Variants in KCNK13 observed in about 807,000 individuals in gnomAD.
KCNK13 encodes the protein potassium two pore domain channel subfamily K member 13, also known as potassium channel subfamily K member 13.
In KCNK13, 12 loss-of-function variants were observed where a neutral mutation model predicts 23.4. The ratio of observed to expected loss-of-function variants is 0.51; its 90% CI spans 0.33 to 0.83. The LOEUF is 0.83. KCNK13 is among the 40% of genes least tolerant of loss of function. The pLI is 0.02. For synonymous variants in KCNK13, 231 were observed against 229.5 expected (o/e 1.01, Z -0.06); for missense variants, 463 against 556.3 (o/e 0.83, Z 1.69).
chr14:90,062,210 C>A lies in KCNK13; in HGVS notation c.5C>A (p.Ala2Asp). 2 of 1,155,476 alleles carry A rather than the reference C, an allele frequency of 1.7e-6. No homozygotes were observed. Among genetic ancestry groups the A allele is most frequent in the South Asian group, 3.1e-5 (2 of 64,618 alleles). 71.6% of individuals were successfully genotyped at this position (1,155,476 alleles called of 1,614,324 possible). The change falls in exon 1 of 2, where the codon GCT becomes GAT. Residue 2 changes from alanine (A) to aspartate (D), a missense_variant. Coordinates refer to ENST00000282146, the MANE Select transcript of KCNK13 (RefSeq NM_022054.4). The surrounding 1 kb of genome is among the most constrained non-coding windows in gnomAD (Gnocchi z 4.5). M[A>D]GRGFSWGPGH... ...GCTGCCCCCGGGGGCCCGGCCATGGCTGGCCGGGGTTTCAGCTGGGGCCCG... is the reference window on the plus strand; with the variant it reads ...GCTGCCCCCGGGGGCCCGGCCATGGATGGCCGGGGTTTCAGCTGGGGCCCG...
intron 1 of KCNK13, among the ~76,000 whole-genome samples, chr14:90,067,108 A>G (rs965806734): frequency 9.8e-4 from 149 of 152,304 alleles, no homozygotes; most frequent in African/African-American, 3.4e-3. Context: ...GTCTCTACTA[A>G]AAATAAACAA....
intron 1 of KCNK13, among the ~76,000 whole-genome samples, chr14:90,126,399 G>A (rs544687444): frequency 6.6e-6 from 1 of 152,074 alleles, no homozygotes; most frequent in Non-Finnish European, 1.5e-5. Context: ...AGCCTCATCG[G>A]TGATAACTTA....
intron 1 of KCNK13, among the ~76,000 whole-genome samples, chr14:90,137,103 C>G (rs1889946396): frequency 6.6e-6 from 1 of 152,188 alleles, no homozygotes; most frequent in South Asian, 2.1e-4. Flanking sequence ...CATTTAAAAA[C>G]AGCCAAAGTC....
At chr14:90,128,978 A>G (rs1019930480) in intron 1 of KCNK13, among the ~76,000 whole-genome samples, 1 of 152,054 alleles carries the variant, frequency 6.6e-6, no homozygotes, top group Non-Finnish European at 1.5e-5. Flanking sequence ...AGGGACCACT[A>G]CCCTGAACTG....
chr14:90,135,918 A>G (rs560903770), intron 1 of KCNK13, among the ~76,000 whole-genome samples: 8 of 152,170 alleles, frequency 5.3e-5, no homozygotes, highest in African/African-American at 1.9e-4. Context: ...GAGAACATGC[A>G]TTCAGCTGTC....
At chr14:90,064,966 A>G (rs1274474879) in intron 1 of KCNK13, among the ~76,000 whole-genome samples, 1 of 151,912 alleles carries the variant, frequency 6.6e-6, no homozygotes, top group Non-Finnish European at 1.5e-5. Flanking sequence ...TAGGCATAAC[A>G]CTCCCCCGTT....
At chr14:90,180,173 G>A (rs1481236789) in intron 1 of KCNK13, among the ~76,000 whole-genome samples, 2 of 152,154 alleles carry the variant, frequency 1.3e-5, no homozygotes, top group Non-Finnish European at 2.9e-5. Context: ...AGCTTCTGTA[G>A]TTTTTTTCTC....
At chr14:90,147,108 G>A (rs1890081542) in intron 1 of KCNK13, among the ~76,000 whole-genome samples, 1 of 152,052 alleles carries the variant, frequency 6.6e-6, no homozygotes, top group African/African-American at 2.4e-5. Flanking sequence ...ATTTCTATGT[G>A]CTGCCTGCTG....
intron 1 of KCNK13, among the ~76,000 whole-genome samples, chr14:90,068,984 C>T (rs942255344): frequency 1.3e-5 from 2 of 151,254 alleles, no homozygotes; most frequent in African/African-American, 4.9e-5. Flanking sequence ...TGGAGAGGCT[C>T]AGCCTCGCCT....
At chr14:90,177,865 T>G (rs1890440325) in intron 1 of KCNK13, among the ~76,000 whole-genome samples, 1 of 152,208 alleles carries the variant, frequency 6.6e-6, no homozygotes, top group African/African-American at 2.4e-5. Context: ...TATTTATGAT[T>G]TGCTGTTCCT....
intron 1 of KCNK13, among the ~76,000 whole-genome samples, chr14:90,102,027 G>C (rs1162146009): frequency 2.0e-5 from 3 of 151,672 alleles, no homozygotes; most frequent in Non-Finnish European, 4.4e-5. Flanking sequence ...GGGATTACAG[G>C]CATGTGCTAC....
intron 1 of KCNK13, among the ~76,000 whole-genome samples, chr14:90,076,414 A>G (rs1379616073): frequency 6.6e-6 from 1 of 152,190 alleles, no homozygotes; most frequent in Non-Finnish European, 1.5e-5. Flanking sequence ...CACTATCAAG[A>G]CAGGAAGAGG....
At chr14:90,179,394 G>A (rs1890460332) in intron 1 of KCNK13, among the ~76,000 whole-genome samples, 1 of 152,056 alleles carries the variant, frequency 6.6e-6, no homozygotes, top group Admixed American at 6.5e-5. Flanking sequence ...AAAAGGCTGG[G>A]AGACTATGGG....
chr14:90,092,912 C>CAAAAAAAAAA (rs34122207), intron 1 of KCNK13, among the ~76,000 whole-genome samples: 52 of 78,298 alleles, frequency 6.6e-4, no homozygotes, highest in African/African-American at 8.5e-4. Flanking sequence ...ACCCTGTCTC[C>CAAAAAAAAAA]AAAAAAAAAA....
intron 1 of KCNK13, among the ~76,000 whole-genome samples, chr14:90,164,011 G>A (rs192636612): frequency 1.3e-5 from 2 of 152,302 alleles, no homozygotes; most frequent in East Asian, 3.9e-4. Context: ...ATGTTTAAAA[G>A]TCACTTACCA....
At chr14:90,124,500 A>C (rs1889773286) in intron 1 of KCNK13, among the ~76,000 whole-genome samples, 1 of 152,248 alleles carries the variant, frequency 6.6e-6, no homozygotes, top group Non-Finnish European at 1.5e-5. Flanking sequence ...TTTTAGATAG[A>C]GAAAGAGGAT....
chr14:90,179,893 A>G (rs928833560), intron 1 of KCNK13, among the ~76,000 whole-genome samples: 1 of 152,182 alleles, frequency 6.6e-6, no homozygotes, highest in African/African-American at 2.4e-5. Context: ...GAAAATTTTA[A>G]GGTTTTAGCT....
chr14:90,159,871 A>C (rs1264936036), intron 1 of KCNK13, among the ~76,000 whole-genome samples: 1 of 152,042 alleles, frequency 6.6e-6, no homozygotes, highest in African/African-American at 2.4e-5. Flanking sequence ...TTGGGTGAGT[A>C]GTGACAGGGC....
chr14:90,139,976 A>T (rs1409238716), intron 1 of KCNK13, among the ~76,000 whole-genome samples: 1 of 152,072 alleles, frequency 6.6e-6, no homozygotes, highest in African/African-American at 2.4e-5. Context: ...ACAAACAAAA[A>T]AAAATTCTGC....
Sources: gnomAD v4.1 joint callset for allele counts (sites outside exome capture counted in the v4.1 genomes callset) on GRCh38, gnomAD v4.1.1 for gene constraint, Gnocchi (gnomAD v3.1) non-coding constraint, MANE v1.5 for transcripts, NCBI Gene and HGNC (gene_info 2026-07-23, HGNC 2026-07-21) for gene names.